Variants in BACE2 observed in about 807,000 individuals in gnomAD.
BACE2 encodes the protein beta-secretase 2.
In BACE2, 17 loss-of-function variants were observed where a neutral mutation model predicts 46.2. That is an observed-to-expected ratio of 0.37 (90% CI 0.25 to 0.55). BACE2 has a LOEUF of 0.55. Among genes scored for constraint, BACE2 ranks in the 20% least tolerant of loss-of-function variants. BACE2 has a pLI of 0.82. For missense variants in BACE2, 595 were observed against 698.1 expected (o/e 0.85, Z 1.66); for synonymous variants, 277 against 295.9 (o/e 0.94, Z 0.66).
At chr21:41,187,025 C>T (rs1423963737) in intron 1 of BACE2, among the ~76,000 whole-genome samples, 3 of 152,224 alleles carry the variant, frequency 2.0e-5, no homozygotes, top group Non-Finnish European at 4.4e-5. Context: ...TTAGCTAGTG[C>T]TCAGTTTGGT....
intron 8 of BACE2, among the ~76,000 whole-genome samples, chr21:41,269,826 A>G (rs1322595078): frequency 6.6e-6 from 1 of 152,146 alleles, no homozygotes; most frequent in Non-Finnish European, 1.5e-5. Flanking sequence ...TTGGACATAT[A>G]TTTTGTTTTT....
intron 1 of BACE2, among the ~76,000 whole-genome samples, chr21:41,223,239 C>T (rs1347596326): frequency 6.6e-6 from 1 of 151,900 alleles, no homozygotes; most frequent in African/African-American, 2.4e-5. Context: ...GCCTGTGGTC[C>T]CAGCTACTTT....
At position 41,188,708 on chromosome 21, in the gene BACE2, A is replaced by T. The variant is rs1375927201; in HGVS notation, c.312+20133A>T. On this transcript the variant is annotated intron_variant, in intron 1 of 8. Transcript: ENST00000330333. ...ATAAGTACTTTCTCTTACATAAGGA[A>T]CAATAGATAAGAGAAACCTTAGAAG... 3.3e-5 allele frequency among the ~76,000 whole-genome samples: 5 copies of T among 152,248 alleles called. No homozygotes were observed. In the East Asian group the frequency reaches 9.6e-4, roughly 29 times the overall value.
chr21:41,237,370 C>T (rs542030983), intron 2 of BACE2, 143 bp from the exon 3 acceptor site: 47 of 459,580 alleles, frequency 1.0e-4, no homozygotes, highest in African/African-American at 7.4e-4. Flanking sequence ...CGCTTGAACC[C>T]GGGAGGCGGA....
At chr21:41,211,603 C>T (rs1032166080) in intron 1 of BACE2, among the ~76,000 whole-genome samples, 17 of 152,220 alleles carry the variant, frequency 1.1e-4, no homozygotes, top group African/African-American at 2.7e-4. Flanking sequence ...CAAACAGCCC[C>T]GCGTGGCTGG....
At chr21:41,205,377 G>A (rs1326433622) in intron 1 of BACE2, among the ~76,000 whole-genome samples, 1 of 152,142 alleles carries the variant, frequency 6.6e-6, no homozygotes, top group Non-Finnish European at 1.5e-5. Context: ...ATACATTTGA[G>A]TTACCCCAGT....
intron 1 of BACE2, chr21:41,177,616 C>G (rs961073348): frequency 1.3e-5 from 2 of 152,154 alleles, no homozygotes; most frequent in Non-Finnish European, 2.9e-5. Context: ...TATGGTATTG[C>G]GAGAGTTAAG....
chr21:41,187,093 G>T (rs112955309), intron 1 of BACE2, among the ~76,000 whole-genome samples: 4 of 152,176 alleles, frequency 2.6e-5, no homozygotes, highest in Non-Finnish European at 5.9e-5. Context: ...ACCAGGAGTC[G>T]CAGGTAAGAG....
chr21:41,219,453 A>G (rs989759761), intron 1 of BACE2, among the ~76,000 whole-genome samples: 1 of 152,234 alleles, frequency 6.6e-6, no homozygotes, highest in Non-Finnish European at 1.5e-5. Context: ...TGATAAATTC[A>G]TCTCTTAAAA....
chr21:41,281,359 T>G lies in BACE2; in HGVS notation c.*5735T>G, dbSNP rs2123665725. ...TGGTATCAATAAAAGGCTAGAAACC[T>G]TGGGTGTCCTTGGCAACCTAGCCTT... On this transcript the variant is annotated 3_prime_UTR_variant, in exon 9 of 9. Coordinates refer to ENST00000330333, the MANE Select transcript of BACE2 (RefSeq NM_012105.5). 1.3e-5 allele frequency: 2 copies of G among 152,348 alleles called. No homozygotes were observed. The highest frequency in any genetic ancestry group is 1.3e-4 in the Admixed American group (2 of 15,306). 9.4% of individuals were successfully genotyped at this position (152,348 alleles called of 1,614,324 possible).
chr21:41,203,535 G>A (rs1382454583), intron 1 of BACE2, among the ~76,000 whole-genome samples: 1 of 152,152 alleles, frequency 6.6e-6, no homozygotes, highest in Non-Finnish European at 1.5e-5. Flanking sequence ...GGGTGAATGA[G>A]GAGTGTGGTT....
intron 1 of BACE2, among the ~76,000 whole-genome samples, chr21:41,185,776 G>A (rs976325960): frequency 6.6e-6 from 1 of 152,068 alleles, no homozygotes; most frequent in Non-Finnish European, 1.5e-5. Context: ...AAAAACCCTG[G>A]GGTACCCAGT....
intron 8 of BACE2, among the ~76,000 whole-genome samples, chr21:41,261,983 C>G (rs190591116): frequency 6.6e-6 from 1 of 152,218 alleles, no homozygotes; most frequent in East Asian, 1.9e-4. Context: ...ATGACTTTCA[C>G]CCCTAAATAT....
chr21:41,191,710 C>T (rs1985575060), intron 1 of BACE2, among the ~76,000 whole-genome samples: 1 of 152,186 alleles, frequency 6.6e-6, no homozygotes, highest in East Asian at 1.9e-4. Flanking sequence ...TAACCTCCAT[C>T]CCTGCTACCA....
chr21:41,170,552 T>A (rs539751404), intron 1 of BACE2, among the ~76,000 whole-genome samples: 2 of 152,314 alleles, frequency 1.3e-5, no homozygotes, highest in East Asian at 3.9e-4. Context: ...TCCTGACTAC[T>A]GCATTAGGAT....
chr21:41,216,075 C>A (rs1277161744), intron 1 of BACE2, among the ~76,000 whole-genome samples: 1 of 151,942 alleles, frequency 6.6e-6, no homozygotes, highest in Non-Finnish European at 1.5e-5. Flanking sequence ...TGTTTGAGAG[C>A]GCGTCGTGTG....
At chr21:41,256,756 G>GCCCTAACC (rs1987797675) in intron 7 of BACE2, among the ~76,000 whole-genome samples, 2 of 152,132 alleles carry the variant, frequency 1.3e-5, no homozygotes, top group Non-Finnish European at 2.9e-5. Flanking sequence ...ACCAGGCTGT[G>GCCCTAACC]CCCTAACCAC....
chr21:41,222,988 C>T (rs1204484854), intron 1 of BACE2, among the ~76,000 whole-genome samples: 2 of 152,166 alleles, frequency 1.3e-5, no homozygotes, highest in Non-Finnish European at 2.9e-5. Flanking sequence ...ACACGCCAGG[C>T]GTGAGATGAT....
chr21:41,240,007 C>T (rs1987243181), intron 3 of BACE2, among the ~76,000 whole-genome samples: 1 of 152,230 alleles, frequency 6.6e-6, no homozygotes, highest in African/African-American at 2.4e-5. Context: ...TTGCTCAGAC[C>T]TCCTGACTCT....
Sources: allele counts gnomAD v4.1 joint callset (sites outside exome capture counted in the v4.1 genomes callset), GRCh38; gene constraint gnomAD v4.1.1; transcripts MANE v1.5; gene names NCBI Gene and HGNC (gene_info 2026-07-23, HGNC 2026-07-21).